GOLGA4: variants seen among roughly 807,000 people sequenced by gnomAD.
GOLGA4 encodes the protein golgin A4, also known as golgin subfamily A member 4.
Under a neutral mutation model 265.9 loss-of-function variants are expected in GOLGA4, and 169 were observed. The ratio of observed to expected loss-of-function variants is 0.64; its 90% CI spans 0.56 to 0.72. The LOEUF (loss-of-function observed/expected upper bound fraction) is 0.72. Among genes scored for constraint, GOLGA4 ranks in the 30% least tolerant of loss-of-function variants. The pLI, the probability that GOLGA4 is intolerant of heterozygous loss-of-function variation, is 0.00. For missense variants in GOLGA4, 2,482 were observed against 2,483.4 expected, an observed-to-expected ratio of 1.00 and a Z score of 0.01; for synonymous variants, 923 against 855.8, an observed-to-expected ratio of 1.08 and a Z score of -1.37.
Position 37,327,092 on chromosome 3 carries a change from G to GA in GOLGA4, c.5212dup (p.Ile1738AsnfsTer10), listed in dbSNP as rs1375133962. 1.2e-6 allele frequency: 2 copies of GA among 1,613,448 alleles called. No individual in the cohort carries two copies. Among genetic ancestry groups the GA allele is most frequent in the South Asian group, 1.1e-5 (1 of 91,002 alleles). On this transcript the variant is annotated frameshift_variant, in exon 14 of 24. Coordinates refer to ENST00000361924, the MANE Select transcript of GOLGA4 (RefSeq NM_002078.5). LOFTEE classifies it high-confidence loss of function. ...AGGCTGTGTGCAGAAGACATATGAA[G>GA]AAAAAATCAGTGTTTTACAAAGAAA...
At chr3:37,285,315 T>C (rs2096845548) in intron 3 of GOLGA4, among the ~76,000 whole-genome samples, 1 of 152,184 alleles carries the variant, frequency 6.6e-6, no homozygotes, top group Non-Finnish European at 1.5e-5. Flanking sequence ...ATGAGTAATG[T>C]TATGTAACTT....
intron 10 of GOLGA4, among the ~76,000 whole-genome samples, chr3:37,314,000 T>C (rs1369640001): frequency 6.6e-6 from 1 of 151,190 alleles, no homozygotes; most frequent in African/African-American, 2.4e-5. Context: ...AGTCTTGCTC[T>C]GTCGGCCAGG....
intron 22 of GOLGA4, among the ~76,000 whole-genome samples, chr3:37,356,703 A>G (rs2097091905): frequency 6.6e-6 from 1 of 152,170 alleles, no homozygotes; most frequent in Non-Finnish European, 1.5e-5. Flanking sequence ...CTTTATGAAG[A>G]TAAAAATTTC....
At chr3:37,263,406 G>A (rs1328803577) in intron 2 of GOLGA4, among the ~76,000 whole-genome samples, 3 of 152,174 alleles carry the variant, frequency 2.0e-5, no homozygotes, top group Admixed American at 2.0e-4. Flanking sequence ...AGAGGGATGA[G>A]GAAGGGTCCT....
chr3:37,310,712 T>C (rs931795807), intron 10 of GOLGA4, among the ~76,000 whole-genome samples: 1 of 152,004 alleles, frequency 6.6e-6, no homozygotes, highest in African/African-American at 2.4e-5. Context: ...CTAAAAGTAT[T>C]TTTAAAGTGT....
chr3:37,251,270 G>A (rs371343206), intron 1 of GOLGA4, 125 bp from the exon 2 acceptor site: 36 of 601,322 alleles, frequency 6.0e-5, no homozygotes, highest in Non-Finnish European at 1.0e-4. Context: ...TCTGCTTTTC[G>A]TGTTTTTGCT....
chr3:37,307,632 A>C (rs1200764260), intron 10 of GOLGA4, among the ~76,000 whole-genome samples: 1 of 133,700 alleles, frequency 7.5e-6, no homozygotes, highest in Non-Finnish European at 1.6e-5. Flanking sequence ...TTTCTCAGGC[A>C]AAAAAAAAAA....
chr3:37,361,743 A>G (rs895926193), intron 23 of GOLGA4, among the ~76,000 whole-genome samples: 1 of 152,252 alleles, frequency 6.6e-6, no homozygotes, highest in African/African-American at 2.4e-5. Flanking sequence ...AGTCAAGGCC[A>G]GTCAGAAATA....
In GOLGA4 at chr3:37,282,042, T is replaced by C; in HGVS notation, c.247T>C (p.Ser83Pro). ...ESLFRSPIKESLFRSSSKESL... is the reference protein window; with the variant it reads ...ESLFRSPIKEPLFRSSSKESL... Reference sequence around the variant, plus strand: ...TTTGTTTCGAAGTCCGATAAAGGAATCTCTATTCCGGTCTTCTTCTAAAGA... The same window carrying C: ...TTTGTTTCGAAGTCCGATAAAGGAACCTCTATTCCGGTCTTCTTCTAAAGA... The change falls in exon 3 of 24, where the codon TCT becomes CCT. Residue 83 changes from serine (S) to proline (P), a missense_variant. Ser to Pro is a moderately conservative substitution (Grantham distance 74). This residue lies in a region of GOLGA4 where 1,536 missense variants were observed against 1,483.7 expected (regional missense o/e 1.04). Transcript: ENST00000361924. 1 of 1,614,038 alleles carries C rather than the reference T, an allele frequency of 6.2e-7. No individual in the cohort carries two copies. The highest frequency in any genetic ancestry group is 8.5e-7 in the Non-Finnish European group (1 of 1,179,892).
chr3:37,299,561 C>G (rs1471275542), intron 9 of GOLGA4, among the ~76,000 whole-genome samples, 190 bp downstream of exon 9: 1 of 152,114 alleles, frequency 6.6e-6, no homozygotes, highest in Non-Finnish European at 1.5e-5. Flanking sequence ...AACTGATTCT[C>G]TGATTTCTTG....
At chr3:37,331,469 A>G (rs2096990099) in intron 16 of GOLGA4, among the ~76,000 whole-genome samples, 1 of 152,240 alleles carries the variant, frequency 6.6e-6, no homozygotes, top group African/African-American at 2.4e-5. Context: ...AAAAAGGGCT[A>G]TTAGCAATTC....
chr3:37,270,329 C>A (rs1335486724), intron 2 of GOLGA4, among the ~76,000 whole-genome samples: 3 of 151,350 alleles, frequency 2.0e-5, no homozygotes, highest in Non-Finnish European at 4.4e-5. Context: ...CCTCAGCCTC[C>A]CGAGTAGCTG....
chr3:37,358,497 G>A lies in GOLGA4; in HGVS notation c.6664-2746G>A, dbSNP rs1019113344. Among the ~76,000 whole-genome samples the A allele has an allele frequency of 2.2e-4, 34 of 152,112 alleles. 2 individuals are homozygous for A. Among genetic ancestry groups the A allele is most frequent in the Non-Finnish European group, 1.5e-5 (1 of 68,004 alleles). On this transcript the variant is annotated intron_variant, in intron 22 of 23. Transcript: ENST00000361924. ...CAGTCTGGTTTATTTGAGGGTCTTG[G>A]TGTATAGGGAAGGAATCTTAGTCCT... is the stretch of plus-strand genomic sequence containing the variant.
intron 18 of GOLGA4, 143 bp downstream of exon 18, chr3:37,337,306 C>A: frequency 1.6e-6 from 1 of 619,250 alleles, no homozygotes. Flanking sequence ...TTCAGGTATT[C>A]TCATGCCTTA....
At chr3:37,356,004 G>C (rs1477740661) in intron 22 of GOLGA4, among the ~76,000 whole-genome samples, 3 of 151,964 alleles carry the variant, frequency 2.0e-5, no homozygotes, top group Non-Finnish European at 4.4e-5. Flanking sequence ...CTTAATGGTG[G>C]GTTAGCGTGT....
At chr3:37,287,042 T>C (rs2096851353) in intron 4 of GOLGA4, among the ~76,000 whole-genome samples, 1 of 152,120 alleles carries the variant, frequency 6.6e-6, no homozygotes, top group South Asian at 2.1e-4. Context: ...TGCTGTGTTT[T>C]AAAATAAAAT....
intron 21 of GOLGA4, among the ~76,000 whole-genome samples, chr3:37,353,285 G>A (rs966385332): frequency 2.0e-5 from 3 of 151,946 alleles, no homozygotes; most frequent in Admixed American, 6.6e-5. Flanking sequence ...TAGAAAAATG[G>A]CACCAATAGA....
intron 11 of GOLGA4, among the ~76,000 whole-genome samples, chr3:37,316,893 A>G (rs2096939204): frequency 6.6e-6 from 1 of 151,846 alleles, no homozygotes. Context: ...CACATGGACA[A>G]TCCTGACATC....
intron 17 of GOLGA4, among the ~76,000 whole-genome samples, chr3:37,335,385 G>A (rs11927305): frequency 0.36 from 55,163 of 152,094 alleles, 10,575 homozygotes; most frequent in Non-Finnish European, 0.43. Context: ...GAGGATTTAA[G>A]CCAAATCTAC....
Sources: gnomAD v4.1 joint callset for allele counts (sites outside exome capture counted in the v4.1 genomes callset) on GRCh38, gnomAD v4.1.1 for gene constraint, gnomAD v4.1.1 regional missense constraint, MANE v1.5 for transcripts, NCBI Gene and HGNC (gene_info 2026-07-23, HGNC 2026-07-21) for gene names.